RBFOX1: variants seen among roughly 807,000 people sequenced by gnomAD.
RBFOX1 encodes the protein RNA binding protein fox-1 homolog 1.
RBFOX1 carries 8 observed loss-of-function variants against 57.7 expected under a neutral mutation model. The observed-to-expected ratio is 0.14, with a 90% confidence interval of 0.08 to 0.25. The LOEUF (loss-of-function observed/expected upper bound fraction) is 0.25, where lower values mean the gene tolerates loss of function less well. Ranked by LOEUF, RBFOX1 falls within the 10% of genes least tolerant of loss-of-function variation. The pLI is 1.00. For synonymous variants in RBFOX1, 326 were observed against 222.4 expected, an observed-to-expected ratio of 1.47 and a Z score of -4.15; for missense variants, 611 against 548.5, an observed-to-expected ratio of 1.11 and a Z score of -1.14.
chr16:6,701,788 G>T (rs528985210), intron 3 of RBFOX1, among the ~76,000 whole-genome samples: 1 of 152,166 alleles, frequency 6.6e-6, no homozygotes, highest in African/African-American at 2.4e-5. Context: ...GAATGAAATC[G>T]TGTCCTTTGC....
intron 1 of RBFOX1, among the ~76,000 whole-genome samples, chr16:5,313,040 T>A (rs921183806): frequency 6.6e-6 from 1 of 152,080 alleles, no homozygotes; most frequent in Non-Finnish European, 1.5e-5. Context: ...TGAGATGTAA[T>A]TCCATTTTGT....
intron 1 of RBFOX1, among the ~76,000 whole-genome samples, chr16:5,418,685 C>T (rs1042970839): frequency 2.6e-5 from 4 of 152,168 alleles, no homozygotes; most frequent in African/African-American, 7.2e-5. Context: ...TTTCCTCCCT[C>T]TTCTGGCTTT....
rs117645796 is a variant in RBFOX1, at chr16:7,222,283, A to G, written c.27+170185A>G. The stretch of plus-strand genomic sequence containing the variant: ...GCAAGGAGTCTCAGAAGCGTAAGAT[A>G]TAATACTACACTAGACAGGCAAGCA... On this transcript the variant is annotated intron_variant, in intron 4 of 15. Transcript: ENST00000550418. Among the ~76,000 whole-genome samples the G allele has an allele frequency of 4.7e-3, 709 of 152,354 alleles. 18 individuals carry two copies. Among genetic ancestry groups the G allele is most frequent in the Admixed American group, 0.031 (479 of 15,302 alleles).
intron 1 of RBFOX1, among the ~76,000 whole-genome samples, chr16:5,431,473 C>G (rs943874832): frequency 6.6e-6 from 1 of 152,080 alleles, no homozygotes; most frequent in Non-Finnish European, 1.5e-5. Flanking sequence ...CTCCTGGGTT[C>G]AAGCAATTCT....
At chr16:5,974,597 G>A (rs1201049980) in intron 4 of RBFOX1, among the ~76,000 whole-genome samples, 2 of 152,042 alleles carry the variant, frequency 1.3e-5, no homozygotes, top group Non-Finnish European at 2.9e-5. Flanking sequence ...GCGACAGAGC[G>A]AAAGTCCATC....
At chr16:5,805,448 C>G (rs1002473442) in intron 3 of RBFOX1, among the ~76,000 whole-genome samples, 3 of 152,140 alleles carry the variant, frequency 2.0e-5, no homozygotes, top group Admixed American at 1.3e-4. Flanking sequence ...GCTGTTAATG[C>G]CTATTCTTTA....
intron 3 of RBFOX1, among the ~76,000 whole-genome samples, chr16:7,021,991 CCCCTCCCCCTCT>C (rs2039336289): frequency 5.6e-5 from 2 of 35,588 alleles, no homozygotes; most frequent in Non-Finnish European, 9.4e-5. Flanking sequence ...CCTCCCCTTC[CCCCTCCCCCTCT>C]CCCTCCCCTT....
At chr16:5,443,578 G>T (rs1231721890) in intron 1 of RBFOX1, among the ~76,000 whole-genome samples, 2 of 152,142 alleles carry the variant, frequency 1.3e-5, no homozygotes, top group Non-Finnish European at 2.9e-5. Flanking sequence ...GGCCTCAAGT[G>T]ATTCTCCCAC....
chr16:5,654,015 G>C (rs567224390), intron 3 of RBFOX1, among the ~76,000 whole-genome samples: 152 of 152,336 alleles, frequency 1.0e-3, no homozygotes, highest in Admixed American at 2.1e-3. Flanking sequence ...GGCCCAGCTG[G>C]TGCGAGCTTT....
intron 4 of RBFOX1, among the ~76,000 whole-genome samples, chr16:7,112,374 T>C (rs915434723): frequency 2.4e-5 from 2 of 81,990 alleles, no homozygotes; most frequent in African/African-American, 4.9e-5. Flanking sequence ...GGCTAATTTT[T>C]TGTATTTTTT....
intron 4 of RBFOX1, among the ~76,000 whole-genome samples, chr16:7,057,202 C>T (rs1225316649): frequency 6.6e-6 from 1 of 152,138 alleles, no homozygotes; most frequent in Non-Finnish European, 1.5e-5. Flanking sequence ...ACATAAAGGG[C>T]AGGCTCTGTA....
At chr16:7,666,614 A>G (rs1163955158) in intron 13 of RBFOX1, among the ~76,000 whole-genome samples, 3 of 152,152 alleles carry the variant, frequency 2.0e-5, no homozygotes, top group African/African-American at 7.2e-5. Context: ...AGCTCCCACA[A>G]ATAAGGAAAA....
intron 1 of RBFOX1, among the ~76,000 whole-genome samples, chr16:6,254,730 T>A (rs1041772218): frequency 6.6e-6 from 1 of 152,232 alleles, no homozygotes; most frequent in African/African-American, 2.4e-5. Context: ...TTGAAAAACC[T>A]CTTTTAAAAT....
chr16:7,005,821 ACTG>A (rs1258334727), intron 3 of RBFOX1, among the ~76,000 whole-genome samples: 2 of 152,302 alleles, frequency 1.3e-5, no homozygotes, highest in East Asian at 3.9e-4. Flanking sequence ...CACATGAGTG[ACTG>A]CTGCTTCTTC....
intron 3 of RBFOX1, among the ~76,000 whole-genome samples, chr16:5,795,770 C>A (rs2054856918): frequency 6.6e-6 from 1 of 152,194 alleles, no homozygotes; most frequent in Non-Finnish European, 1.5e-5. Flanking sequence ...TGACTTTAGA[C>A]CTGGAAGATA....
intron 3 of RBFOX1, among the ~76,000 whole-genome samples, chr16:6,760,322 G>A (rs2076427044): frequency 6.6e-6 from 1 of 152,132 alleles, no homozygotes; most frequent in Admixed American, 6.5e-5. Context: ...TGTTATCTAT[G>A]AAGGTGGAAG....
In RBFOX1 at chr16:7,273,172, C is replaced by CCCTCCCTTCCTTCCTCCCTTCCTT. The variant is rs1192199369; in HGVS notation, c.27+221082_27+221105dup. ...CTTTCTCCTTCCTTCTTTCCTCTCTCCCTCCCTTCCTTCCTCCCTTCCTTC... is the reference window on the plus strand; with the variant it reads ...CTTTCTCCTTCCTTCTTTCCTCTCTCCCTCCCTTCCTTCCTCCCTTCCTTCCTCCCTTCCTTCCTCCCTTCCTTC... On this transcript the variant is annotated intron_variant, in intron 4 of 15. Coordinates refer to ENST00000550418, the MANE Select transcript of RBFOX1 (RefSeq NM_018723.4). Among the ~76,000 whole-genome samples the CCCTCCCTTCCTTCCTCCCTTCCTT allele has an allele frequency of 1.7e-3, 160 of 95,778 alleles. 26 individuals are homozygous for CCCTCCCTTCCTTCCTCCCTTCCTT. The highest frequency in any genetic ancestry group is 7.1e-3 in the African/African-American group (155 of 21,808). The allele number at this position is 95,778 out of a possible 152,430, so 62.8% of individuals were successfully genotyped here.
chr16:5,885,948 G>C (rs1567670237), intron 4 of RBFOX1, among the ~76,000 whole-genome samples: 1 of 152,134 alleles, frequency 6.6e-6, no homozygotes, highest in Non-Finnish European at 1.5e-5. Flanking sequence ...AGGTGATTGG[G>C]TTATGTGGGT....
chr16:6,262,470 C>T (rs1345643582), intron 1 of RBFOX1, among the ~76,000 whole-genome samples: 2 of 152,112 alleles, frequency 1.3e-5, no homozygotes, highest in African/African-American at 4.8e-5. Context: ...AGGAATATGA[C>T]ACTGTTTGCC....
Sources: allele counts gnomAD v4.1 joint callset (sites outside exome capture counted in the v4.1 genomes callset), GRCh38; gene constraint gnomAD v4.1.1; transcripts MANE v1.5; gene names NCBI Gene and HGNC (gene_info 2026-07-23, HGNC 2026-07-21).